Variants in DMD observed in about 807,000 individuals in gnomAD.
The protein encoded by DMD is mutant dystrophin.
Under a neutral mutation model 330.1 loss-of-function variants are expected in DMD, and 63 were observed. The observed-to-expected ratio is 0.19, with a 90% CI of 0.16 to 0.24. DMD has a LOEUF of 0.24. Among genes scored for constraint, DMD ranks in the 10% least tolerant of loss-of-function variants. The pLI is 1.00. For missense variants in DMD, 3,344 were observed against 2,684.1 expected, an observed-to-expected ratio of 1.25 and a Z score of -5.43; for synonymous variants, 1,223 against 959.8, an observed-to-expected ratio of 1.27 and a Z score of -5.07.
At chrX:31,476,300 ATATATC>A (rs780169565) in intron 59 of DMD, among the ~76,000 whole-genome samples, 1 of 105,736 alleles carries the variant, frequency 9.5e-6, no homozygotes, top group Non-Finnish European at 1.9e-5. Context: ...GCAAAGGCAG[ATATATC>A]TATATCTATA....
At chrX:32,708,151 CAT>C (rs1389018780) in intron 7 of DMD, among the ~76,000 whole-genome samples, 8 of 111,674 alleles carry the variant, frequency 7.2e-5, no homozygotes, top group Non-Finnish European at 1.5e-4. Context: ...TTTCATGTGA[CAT>C]AAATTTAATT....
At chrX:31,654,848 C>A (rs1332651811) in intron 54 of DMD, among the ~76,000 whole-genome samples, 2 of 110,552 alleles carry the variant, frequency 1.8e-5, no homozygotes, top group African/African-American at 6.6e-5. Context: ...ATCTGTACAA[C>A]AGACCCCCAT....
intron 21 of DMD, among the ~76,000 whole-genome samples, chrX:32,481,741 C>T (rs748651962): frequency 1.8e-5 from 2 of 111,818 alleles, no homozygotes; most frequent in South Asian, 7.4e-4. Flanking sequence ...TTTCAGACGC[C>T]AAAGTAATTA....
intron 1 of DMD, among the ~76,000 whole-genome samples, chrX:33,161,659 C>T (rs1029904749): frequency 9.0e-6 from 1 of 111,017 alleles, no homozygotes; most frequent in African/African-American, 3.3e-5. Context: ...TCCTCCTTCC[C>T]ATCTCACAAA....
chrX:31,601,597 CT>C (rs1239527841), intron 55 of DMD, among the ~76,000 whole-genome samples: 1 of 111,670 alleles, frequency 9.0e-6, no homozygotes, highest in African/African-American at 3.3e-5. Context: ...TCTCCTTTGT[CT>C]CTTCAAGCTT....
chrX:31,425,759 ATTG>A (rs200325032), intron 60 of DMD, among the ~76,000 whole-genome samples: 10,815 of 104,712 alleles, frequency 0.1, 588 homozygotes, highest in East Asian at 0.41. Flanking sequence ...TGCCTTGGTT[ATTG>A]TTGTCTGCGG....
intron 51 of DMD, among the ~76,000 whole-genome samples, chrX:31,750,668 A>C (rs1377574227): frequency 2.3e-4 from 25 of 107,233 alleles, no homozygotes; most frequent in East Asian, 8.9e-4. Context: ...GGAGAAGGAA[A>C]TAAAGGGTAT....
chrX:32,381,378 G>C (rs1409477652), intron 33 of DMD, among the ~76,000 whole-genome samples: 2 of 111,255 alleles, frequency 1.8e-5, no homozygotes, highest in African/African-American at 6.5e-5. Flanking sequence ...ACCCTCAAAA[G>C]CAAATTATCC....
chrX:32,333,382 C>G (rs553239988), intron 41 of DMD, among the ~76,000 whole-genome samples: 2 of 111,013 alleles, frequency 1.8e-5, no homozygotes, highest in Non-Finnish European at 3.8e-5. Context: ...TAGGTTCCTA[C>G]GTGGATGTTC....
intron 34 of DMD, among the ~76,000 whole-genome samples, chrX:32,379,276 C>T (rs1235354501): frequency 9.2e-6 from 1 of 108,502 alleles, no homozygotes; most frequent in Admixed American, 1.0e-4. Context: ...ACTTTCCAGG[C>T]AGATTCAACA....
intron 42 of DMD, among the ~76,000 whole-genome samples, chrX:32,296,643 T>C (rs1325558863): frequency 1.8e-5 from 2 of 111,856 alleles, no homozygotes; most frequent in Non-Finnish European, 1.9e-5. Context: ...TTGGCTAATT[T>C]GTCTTCTGTT....
At chrX:32,406,079 T>C (rs1443738350) in intron 30 of DMD, among the ~76,000 whole-genome samples, 2 of 111,800 alleles carry the variant, frequency 1.8e-5, no homozygotes, top group African/African-American at 6.5e-5. Context: ...ATAAGAATGC[T>C]TGTGATTTTT....
intron 27 of DMD, among the ~76,000 whole-genome samples, chrX:32,445,941 T>C (rs2098302216): frequency 9.0e-6 from 1 of 111,056 alleles, no homozygotes; most frequent in Admixed American, 9.6e-5. Context: ...AAGGATAAAT[T>C]ACGCCACAGG....
At chrX:31,505,846 A>G (rs2070890525) in intron 56 of DMD, among the ~76,000 whole-genome samples, 1 of 110,626 alleles carries the variant, frequency 9.0e-6, no homozygotes, top group Non-Finnish European at 1.9e-5. Flanking sequence ...GTTGGCCAGG[A>G]TGGTCTCGAT....
intron 45 of DMD, among the ~76,000 whole-genome samples, chrX:31,953,997 C>A (rs1026583721): frequency 9.0e-6 from 1 of 110,554 alleles, no homozygotes; most frequent in African/African-American, 3.3e-5. Context: ...GGCTAATTAG[C>A]AAGAAAACAC....
At chrX:32,366,430 G>T (rs2097854747) in intron 34 of DMD, among the ~76,000 whole-genome samples, 1 of 112,215 alleles carries the variant, frequency 8.9e-6, no homozygotes, top group African/African-American at 3.2e-5. Flanking sequence ...TTTGCGAGTG[G>T]AGCTGATGTC....
intron 48 of DMD, among the ~76,000 whole-genome samples, chrX:31,858,360 G>T (rs887727543): frequency 1.5e-4 from 17 of 110,919 alleles, no homozygotes; most frequent in African/African-American, 5.6e-4. Flanking sequence ...TTCTGAATTA[G>T]GATATATGAA....
intron 12 of DMD, among the ~76,000 whole-genome samples, chrX:32,603,743 A>G (rs2056427833): frequency 9.0e-6 from 1 of 111,183 alleles, no homozygotes; most frequent in Admixed American, 9.6e-5. Flanking sequence ...TACACAAATT[A>G]GAAAATCTGG....
chrX:32,527,473 C>T (rs1430484299), intron 17 of DMD, among the ~76,000 whole-genome samples: 1 of 110,490 alleles, frequency 9.1e-6, no homozygotes, highest in Admixed American at 9.7e-5. Context: ...AGGCTCAGTT[C>T]AAGATGCACA....
Sources: allele counts gnomAD v4.1 joint callset (sites outside exome capture counted in the v4.1 genomes callset), GRCh38; gene constraint gnomAD v4.1.1; transcripts MANE v1.5; gene names NCBI Gene and HGNC (gene_info 2026-07-23, HGNC 2026-07-21).